ATP7B: variants seen among roughly 807,000 people sequenced by gnomAD.
ATP7B encodes the protein copper-transporting ATPase 2.
In ATP7B, 113 loss-of-function variants were observed where a neutral mutation model predicts 118.9. That is an observed-to-expected ratio of 0.95 (90% CI 0.82 to 1.11). The LOEUF (loss-of-function observed/expected upper bound fraction) is 1.11. Ranked by LOEUF, ATP7B falls within the 50% of genes most tolerant of loss-of-function variation. The pLI is 0.00. For synonymous variants in ATP7B, 777 were observed against 727.4 expected (o/e 1.07, Z -1.10); for missense variants, 1,867 against 1,871.4 (o/e 1.00, Z 0.04).
Position 51,950,030 on chromosome 13 carries a change from C to A in ATP7B, c.2707G>T (p.Val903Leu). ...DTTLAQIVKL[V>L]EEAQMSKAPI... ...ACCTTTGACATCTGAGCCTCTTCCA[C>A]CAGTTTCACAATCTGAGCCAAAGTG... The change falls in exon 11 of 21, where the codon GTG (valine) becomes TTG (leucine). Residue 903 changes from valine to leucine, a missense_variant. Val to Leu is a conservative substitution (Grantham distance 32, BLOSUM62 1). Coordinates refer to ENST00000242839, the MANE Select transcript of ATP7B (RefSeq NM_000053.4). 6.2e-7 allele frequency: 1 copy of A among 1,614,218 alleles called. No homozygotes were observed. The highest frequency in any genetic ancestry group is 8.5e-7 in the Non-Finnish European group (1 of 1,180,044).
intron 9 of ATP7B, among the ~76,000 whole-genome samples, chr13:51,952,783 T>C (rs1958090311): frequency 6.6e-6 from 1 of 152,242 alleles, no homozygotes; most frequent in African/African-American, 2.4e-5. Flanking sequence ...CTACTTCCTG[T>C]GATTACGTGA....
chr13:51,998,963 C>T (rs771149140), intron 1 of ATP7B, among the ~76,000 whole-genome samples: 2 of 152,200 alleles, frequency 1.3e-5, no homozygotes, highest in Non-Finnish European at 2.9e-5. Context: ...AGTCCCGGAT[C>T]CTGTGACAGG....
chr13:51,996,611 A>T (rs867022175), intron 1 of ATP7B, among the ~76,000 whole-genome samples: 1 of 152,222 alleles, frequency 6.6e-6, no homozygotes, highest in South Asian at 2.1e-4. Flanking sequence ...CTCAGAACAC[A>T]TGCCCAAGGT....
chr13:51,953,851 T>TAAAAAAAAAAAAAAAAAAAAAAAAAA, intron 9 of ATP7B, among the ~76,000 whole-genome samples: 1 of 94,364 alleles, frequency 1.1e-5, no homozygotes, highest in Non-Finnish European at 2.1e-5. Flanking sequence ...CCATCAATTG[T>TAAAAAAAAAAAAAAAAAAAAAAAAAA]AAAAAAAAAA....
intron 9 of ATP7B, among the ~76,000 whole-genome samples, chr13:51,957,173 T>C (rs1489003202): frequency 6.6e-6 from 1 of 152,226 alleles, no homozygotes; most frequent in African/African-American, 2.4e-5. Flanking sequence ...TCCTTATCTC[T>C]CTGCCTGTCT....
chr13:51,956,433 T>C (rs1958353274), intron 9 of ATP7B, among the ~76,000 whole-genome samples: 1 of 151,972 alleles, frequency 6.6e-6, no homozygotes, highest in Admixed American at 6.5e-5. Context: ...CCTCTGAAAA[T>C]GGGAGTGGTT....
At chr13:51,995,307 C>T in intron 1 of ATP7B, 2 of 985,376 alleles carry the variant, frequency 2.0e-6, no homozygotes, top group Non-Finnish European at 2.4e-6. Flanking sequence ...TCTGCAATTG[C>T]ACTGACCTGA....
intron 5 of ATP7B, among the ~76,000 whole-genome samples, chr13:51,964,114 C>A (rs1324714187): frequency 6.6e-6 from 1 of 151,708 alleles, no homozygotes; most frequent in East Asian, 1.9e-4. Flanking sequence ...TTTAAACACA[C>A]ACACACACAC....
chr13:51,951,783 C>T (rs1047477775), intron 9 of ATP7B, among the ~76,000 whole-genome samples: 1 of 152,120 alleles, frequency 6.6e-6, no homozygotes, highest in African/African-American at 2.4e-5. Flanking sequence ...TAAAATTCAT[C>T]ACACTCTACA....
chr13:51,933,222 A>G lies in ATP7B; in HGVS notation c.*1534T>C, dbSNP rs1000565729. On this transcript the variant is annotated 3_prime_UTR_variant, in exon 21 of 21. Coordinates refer to ENST00000242839, the MANE Select transcript of ATP7B (RefSeq NM_000053.4). ...AACTTCTATTCAAGGTAGAAGGACA[A>G]TAAGAGTGAAGCCTTCACAGCTGAC... The G allele has an allele frequency of 6.6e-6, 1 of 152,178 alleles. No homozygotes were observed. The highest frequency in any genetic ancestry group is 1.5e-5 in the Non-Finnish European group (1 of 68,038). The allele number at this position is 152,178 out of a possible 1,614,324, so 9.4% of individuals were successfully genotyped here.
At chr13:51,978,033 A>G (rs1250516341) in intron 1 of ATP7B, among the ~76,000 whole-genome samples, 2 of 152,238 alleles carry the variant, frequency 1.3e-5, no homozygotes, top group African/African-American at 2.4e-5. Flanking sequence ...TAACAAAAAC[A>G]CTAGAAGAAA....
At chr13:51,997,320 A>G (rs1953259192) in intron 1 of ATP7B, among the ~76,000 whole-genome samples, 2 of 152,222 alleles carry the variant, frequency 1.3e-5, no homozygotes, top group South Asian at 4.1e-4. Context: ...GCTGCCTTTT[A>G]AAGTGAGTTA....
At chr13:51,968,789 T>C (rs1951696844) in intron 3 of ATP7B, among the ~76,000 whole-genome samples, 182 bp from the exon 4 acceptor site, 1 of 152,070 alleles carries the variant, frequency 6.6e-6, no homozygotes, top group Non-Finnish European at 1.5e-5. Context: ...ACAATCACGA[T>C]GTCTGGTCTC....
chr13:52,000,346 T>C (rs1429678640), intron 1 of ATP7B, among the ~76,000 whole-genome samples: 1 of 152,196 alleles, frequency 6.6e-6, no homozygotes, highest in East Asian at 1.9e-4. Context: ...AAGAGCAAAG[T>C]GGCTCCCTCA....
Position 51,934,590 on chromosome 13 carries a change from G to A in ATP7B, c.*166C>T. Reference sequence around the variant, plus strand: ...CGTCCTCTCCAGGCCAAGCCCAGCTGCACCCAGACAAGGCCGCGTGCTGCA... The same window carrying A: ...CGTCCTCTCCAGGCCAAGCCCAGCTACACCCAGACAAGGCCGCGTGCTGCA... On this transcript the variant is annotated 3_prime_UTR_variant, in exon 21 of 21. Transcript: ENST00000242839. The A allele has an allele frequency of 5.2e-6, 6 of 1,152,608 alleles. No individual in the cohort carries two copies. Among genetic ancestry groups the A allele is most frequent in the Non-Finnish European group, 7.4e-6 (6 of 810,168 alleles). The allele number at this position is 1,152,608 out of a possible 1,614,324, so 71.4% of individuals were successfully genotyped here.
At chr13:52,001,827 G>A (rs1036440924) in intron 1 of ATP7B, among the ~76,000 whole-genome samples, 11 of 151,826 alleles carry the variant, frequency 7.2e-5, no homozygotes, top group African/African-American at 2.4e-4. Flanking sequence ...GTTTCACTCT[G>A]TCACCCAAGC....
intron 1 of ATP7B, chr13:51,975,481 G>C (rs775425102): frequency 1.8e-6 from 1 of 546,412 alleles, no homozygotes; most frequent in Non-Finnish European, 3.6e-6. Context: ...AATGCAGCAC[G>C]GCTGGCCTGC....
At chr13:51,943,920 T>A (rs1243555628) in intron 14 of ATP7B, among the ~76,000 whole-genome samples, 189 bp downstream of exon 14, 1 of 151,330 alleles carries the variant, frequency 6.6e-6, no homozygotes, top group Non-Finnish European at 1.5e-5. Flanking sequence ...GAACTCCCTT[T>A]GTGATAACCT....
At chr13:52,005,334 G>T (rs1420602550) in intron 1 of ATP7B, among the ~76,000 whole-genome samples, 4 of 152,156 alleles carry the variant, frequency 2.6e-5, no homozygotes, top group African/African-American at 9.7e-5. Context: ...GCAGCACCCT[G>T]CACACTCTGC....
Sources: gnomAD v4.1 joint callset for allele counts (sites outside exome capture counted in the v4.1 genomes callset) on GRCh38, gnomAD v4.1.1 for gene constraint, MANE v1.5 for transcripts, NCBI Gene and HGNC (gene_info 2026-07-23, HGNC 2026-07-21) for gene names.